PHF10: variants seen among roughly 807,000 people sequenced by gnomAD.
PHF10 encodes the protein PHD finger protein 10, also known as BRG1-associated factor 45a.
In PHF10, 51 loss-of-function variants were observed where a neutral mutation model predicts 68.5. The ratio of observed to expected loss-of-function variants is 0.74; its 90% confidence interval spans 0.59 to 0.94. PHF10 has a LOEUF of 0.94. Among genes scored for constraint, PHF10 ranks in the 40% least tolerant of loss-of-function variants. PHF10 has a pLI of 0.00. For synonymous variants in PHF10, 204 were observed against 203.5 expected, an observed-to-expected ratio of 1.00 and a Z score of -0.02; for missense variants, 460 against 602.6, an observed-to-expected ratio of 0.76 and a Z score of 2.48.
intron 9 of PHF10, chr6:169,706,920 G>C (rs1227826412): frequency 6.6e-6 from 1 of 152,102 alleles, no homozygotes; most frequent in Non-Finnish European, 1.5e-5. Context: ...ATATATTCCA[G>C]CTTTGAAATG....
chr6:169,711,697 G>A lies in PHF10; in HGVS notation c.957+689C>T, dbSNP rs146447001. On this transcript the variant is annotated intron_variant, in intron 8 of 11. Transcript: ENST00000339209. The stretch of plus-strand genomic sequence containing the variant: ...TTGCATAATATGTATTATTAAAGAT[G>A]TTTTAGAAGCTGTTGGTGACAAGGA... 5.8e-3 allele frequency among the ~76,000 whole-genome samples: 878 copies of A among 152,324 alleles called. 9 individuals carry two copies. Among genetic ancestry groups the A allele is most frequent in the African/African-American group, 0.02 (817 of 41,552 alleles).
chr6:169,718,322 G>A (rs1473697851), intron 3 of PHF10, among the ~76,000 whole-genome samples: 1 of 152,046 alleles, frequency 6.6e-6, no homozygotes, highest in East Asian at 1.9e-4. Context: ...CAGTTTATGA[G>A]CCATAGAAAA....
Position 169,714,601 on chromosome 6 carries a change from T to C in PHF10, c.803+132A>G, listed in dbSNP as rs187754138. On this transcript the variant is annotated intron_variant, in intron 7 of 11. Transcript: ENST00000339209. ...TGTTTACCACAGAACCAGAGAAGAATAGCAACACAAATCCTATACGATATC... is the reference window on the plus strand; with the variant it reads ...TGTTTACCACAGAACCAGAGAAGAACAGCAACACAAATCCTATACGATATC... 116 of 661,476 alleles carry C rather than the reference T, an allele frequency of 1.8e-4. 1 individual carries two copies. The East Asian group carries it at 2.6e-3, about 15-fold the overall frequency. 41.0% of individuals were successfully genotyped at this position (661,476 alleles called of 1,614,324 possible). A position where few individuals can be genotyped will look rare whatever the true frequency, so the allele number is the denominator to read the frequency against.
intron 11 of PHF10, 143 bp from the exon 12 acceptor site, chr6:169,704,231 A>T (rs1788690402): frequency 1.8e-6 from 1 of 567,652 alleles, no homozygotes; most frequent in Middle Eastern, 4.5e-4. Flanking sequence ...TGAGTTCCTT[A>T]ATTTAAGGAA....
At chr6:169,711,644 C>T (rs1010243803) in intron 8 of PHF10, among the ~76,000 whole-genome samples, 5 of 152,252 alleles carry the variant, frequency 3.3e-5, no homozygotes, top group African/African-American at 1.2e-4. Flanking sequence ...GTTGTGTCAC[C>T]ACTTTAATAC....
intron 3 of PHF10, 36 bp downstream of exon 3, chr6:169,718,752 A>G (rs1349800517): frequency 6.1e-6 from 7 of 1,156,466 alleles, no homozygotes; most frequent in South Asian, 1.4e-5. Flanking sequence ...AAGAATTACT[A>G]TCAATTATAA....
Position 169,720,992 on chromosome 6 carries a change from A to G in PHF10, c.194+13T>C. Reference sequence around the variant, plus strand: ...ATCACAAAAAATATTAATAACCGATAAAATGACAGTACCCAAGATCTTGAC... The same window carrying G: ...ATCACAAAAAATATTAATAACCGATGAAATGACAGTACCCAAGATCTTGAC... On this transcript the variant is annotated intron_variant, in intron 2 of 11. Coordinates refer to ENST00000339209, the MANE Select transcript of PHF10 (RefSeq NM_018288.4). 7.1e-7 allele frequency: 1 copy of G among 1,407,340 alleles called. No homozygotes were observed. The highest frequency in any genetic ancestry group is 9.8e-7 in the Non-Finnish European group (1 of 1,018,720). 87.2% of individuals were successfully genotyped at this position (1,407,340 alleles called of 1,614,324 possible).
At chr6:169,716,371 G>A (rs1331864077) in intron 4 of PHF10, among the ~76,000 whole-genome samples, 3 of 151,580 alleles carry the variant, frequency 2.0e-5, no homozygotes, top group Admixed American at 2.0e-4. Flanking sequence ...CCCTTTAGTT[G>A]GAAACAACTG....
chr6:169,706,251 T>C (rs1405170310), intron 9 of PHF10, among the ~76,000 whole-genome samples: 1 of 152,218 alleles, frequency 6.6e-6, no homozygotes, highest in Admixed American at 6.5e-5. Context: ...ACATTTTTAA[T>C]TGAAAGATGT....
chr6:169,711,157 G>A (rs1044573247), intron 8 of PHF10, among the ~76,000 whole-genome samples: 6 of 151,700 alleles, frequency 4.0e-5, no homozygotes, highest in South Asian at 2.1e-4. Flanking sequence ...TAAAGATACC[G>A]AGACTCACAC....
At chr6:169,721,542 C>T (rs1011399156) in intron 1 of PHF10, among the ~76,000 whole-genome samples, 7 of 152,040 alleles carry the variant, frequency 4.6e-5, no homozygotes, top group African/African-American at 9.7e-5. Flanking sequence ...CATATGAGAC[C>T]GAAAACAATT....
At chr6:169,719,143 T>C (rs1224659685) in intron 2 of PHF10, 2 of 355,434 alleles carry the variant, frequency 5.6e-6, no homozygotes, top group Non-Finnish European at 1.0e-5. Context: ...TTTTATACAC[T>C]GGGAAGAACG....
Position 169,704,007 on chromosome 6 carries a change from C to T in PHF10, c.1493G>A (p.Gly498Glu). 1 of 1,598,146 alleles carries T rather than the reference C, an allele frequency of 6.3e-7. No homozygotes were observed. Among genetic ancestry groups the T allele is most frequent in the Non-Finnish European group, 8.5e-7 (1 of 1,174,190 alleles). Residue 498 changes from glycine (G) to glutamate (E), a missense_variant, in exon 12 of 12, where the codon GGA (glycine) becomes GAA (glutamate). Transcript: ENST00000339209. ...VGRRGKNSKE[G>E] The stretch of plus-strand genomic sequence containing the variant: ...GTATTAGAGTCAAAAACTATTTTAT[C>T]CCTCTTTGCTGTTTTTCCCCCTTCT...
intron 4 of PHF10, among the ~76,000 whole-genome samples, chr6:169,717,293 G>A (rs995639989): frequency 2.6e-5 from 4 of 152,178 alleles, no homozygotes; most frequent in Non-Finnish European, 5.9e-5. Flanking sequence ...TTATAGAATA[G>A]AGGTTGATCC....
intron 9 of PHF10, chr6:169,709,693 A>G (rs1309251458): frequency 6.6e-6 from 1 of 152,220 alleles, no homozygotes; most frequent in Non-Finnish European, 1.5e-5. Flanking sequence ...AAAAATCACT[A>G]CAATGTAAGT....
chr6:169,720,995 A>T lies in PHF10; in HGVS notation c.194+10T>A. On this transcript the variant is annotated intron_variant, in intron 2 of 11. Coordinates refer to ENST00000339209, the MANE Select transcript of PHF10 (RefSeq NM_018288.4). Reference sequence around the variant, plus strand: ...ACAAAAAATATTAATAACCGATAAAATGACAGTACCCAAGATCTTGACTTG... The same window carrying T: ...ACAAAAAATATTAATAACCGATAAATTGACAGTACCCAAGATCTTGACTTG... The T allele has an allele frequency of 7.0e-7, 1 of 1,434,932 alleles. No individual in the cohort carries two copies. Among genetic ancestry groups the T allele is most frequent in the Non-Finnish European group, 9.6e-7 (1 of 1,043,894 alleles). 88.9% of individuals were successfully genotyped at this position (1,434,932 alleles called of 1,614,324 possible). A position where few individuals can be genotyped will look rare whatever the true frequency, so the allele number is the denominator to read the frequency against.
chr6:169,713,598 CAAAA>C (rs755248180), intron 7 of PHF10, among the ~76,000 whole-genome samples: 2 of 76,660 alleles, frequency 2.6e-5, no homozygotes. Flanking sequence ...GACTCCATCT[CAAAA>C]AAAAAAAAAA....
chr6:169,723,779 G>A (rs1789245567), intron 1 of PHF10, 66 bp downstream of exon 1: 1 of 484,050 alleles, frequency 2.1e-6, no homozygotes, highest in Non-Finnish European at 2.9e-6. Context: ...GGTGGGACTG[G>A]GCCCACGCCC....
At chr6:169,709,058 C>T (rs991933400) in intron 9 of PHF10, 4 of 151,396 alleles carry the variant, frequency 2.6e-5, no homozygotes, top group Non-Finnish European at 4.4e-5. Flanking sequence ...TTAAAATTTG[C>T]TTGCTATAGG....
Sources: allele counts gnomAD v4.1 joint callset (sites outside exome capture counted in the v4.1 genomes callset), GRCh38; gene constraint gnomAD v4.1.1; transcripts MANE v1.5; gene names NCBI Gene and HGNC (gene_info 2026-07-23, HGNC 2026-07-21).